E2F3: variants seen among roughly 807,000 people sequenced by gnomAD.
The protein encoded by E2F3 is transcription factor E2F3.
E2F3 carries 11 observed loss-of-function variants against 44.4 expected under a neutral mutation model. The observed-to-expected ratio is 0.25, with a 90% CI of 0.16 to 0.41. The LOEUF is 0.41. Ranked by LOEUF, E2F3 falls within the 10% of genes least tolerant of loss-of-function variation. The probability of loss-of-function intolerance (pLI) is 1.00; values close to 1 mark genes in which losing one functional copy is unlikely to be tolerated. For missense variants in E2F3, 487 were observed against 583.6 expected, an observed-to-expected ratio of 0.83 and a Z score of 1.70; for synonymous variants, 249 against 253.0, an observed-to-expected ratio of 0.98 and a Z score of 0.15.
chr6:20,466,241 T>G (rs1761707565), intron 1 of E2F3, among the ~76,000 whole-genome samples: 1 of 152,030 alleles, frequency 6.6e-6, no homozygotes, highest in Non-Finnish European at 1.5e-5. Context: ...GCCTCCTGAG[T>G]AGCTGGGACT....
In E2F3 at chr6:20,479,415, G is replaced by A. The variant is rs113000092; in HGVS notation, c.394-431G>A. On this transcript the variant is annotated intron_variant, in intron 1 of 6. Coordinates refer to ENST00000346618, the MANE Select transcript of E2F3 (RefSeq NM_001949.5). ...GTCATGATACAAATAAACACAGAGT[G>A]TTTGGGGAGCACAAGGAAGGGGGTC... 7.9e-3 allele frequency among the ~76,000 whole-genome samples: 1,196 copies of A among 152,324 alleles called. 15 individuals carry two copies. Among genetic ancestry groups the A allele is most frequent in the African/African-American group, 0.027 (1,118 of 41,568 alleles).
chr6:20,402,467 G>A lies in E2F3; in HGVS notation c.235G>A (p.Val79Ile), dbSNP rs769948520. The change falls in exon 1 of 7, where the codon GTA (valine) becomes ATA (isoleucine). Residue 79 changes from valine to isoleucine, a missense_variant. This residue lies in a region of E2F3 where 238 missense variants were observed against 236.0 expected (regional missense o/e 1.01). Coordinates refer to ENST00000346618, the MANE Select transcript of E2F3 (RefSeq NM_001949.5). This position sits in a 1 kb window ranked among gnomAD's most constrained non-coding sequence, Gnocchi z 5.6. The stretch of plus-strand genomic sequence containing the variant: ...TTCCTCCTCCCTCCAAAGCGGCGCC[G>A]TAGCCGCCGGCCCCCTCCTCCCCAG... ...SCSSSLQSGA[V>I]AAGPLLPSAP... 58 of 1,608,864 alleles carry A rather than the reference G, an allele frequency of 3.6e-5. No homozygotes were observed. Among genetic ancestry groups the A allele is most frequent in the Admixed American group, 3.5e-4 (21 of 59,864 alleles).
At chr6:20,404,603 A>C (rs1246562943) in intron 1 of E2F3, among the ~76,000 whole-genome samples, 1 of 152,212 alleles carries the variant, frequency 6.6e-6, no homozygotes, top group Non-Finnish European at 1.5e-5. Context: ...TTTGGGAATA[A>C]TGAGGCGTTT....
chr6:20,445,259 TGA>T, intron 1 of E2F3: 2 of 607,790 alleles, frequency 3.3e-6, no homozygotes, highest in African/African-American at 2.0e-5. Flanking sequence ...TTTTTTTTTT[TGA>T]GACAGTCTCA....
chr6:20,490,440 G>T lies in E2F3; in HGVS notation c.*10G>T. On this transcript the variant is annotated 3_prime_UTR_variant, in exon 7 of 7. Transcript: ENST00000346618. This position sits in a 1 kb window ranked among gnomAD's most constrained non-coding sequence, Gnocchi z 4.3. Reference sequence around the variant, plus strand: ...CTTCATGTGTAGTTGATTATGCTTCGTGTGAACTCTCCTTAAAAACCGATA... The same window carrying T: ...CTTCATGTGTAGTTGATTATGCTTCTTGTGAACTCTCCTTAAAAACCGATA... 4 of 1,542,908 alleles carry T rather than the reference G, an allele frequency of 2.6e-6. No individual in the cohort carries two copies. The highest frequency in any genetic ancestry group is 3.5e-6 in the Non-Finnish European group (4 of 1,145,306).
chr6:20,479,784 T>C (rs931093020), intron 1 of E2F3, 62 bp from the exon 2 acceptor site: 1 of 1,460,640 alleles, frequency 6.8e-7, no homozygotes, highest in African/African-American at 1.4e-5. Flanking sequence ...GCCCACAAAC[T>C]GCCTCCCTTC....
chr6:20,486,124 GTTCTGT>G (rs1762383618), intron 4 of E2F3, among the ~76,000 whole-genome samples: 1 of 152,110 alleles, frequency 6.6e-6, no homozygotes, highest in Non-Finnish European at 1.5e-5. Flanking sequence ...TATTTTAACT[GTTCTGT>G]TTCTATGTTT....
intron 6 of E2F3, among the ~76,000 whole-genome samples, chr6:20,488,657 TC>T (rs1038532167): frequency 2.0e-5 from 3 of 151,822 alleles, no homozygotes; most frequent in Non-Finnish European, 4.4e-5. Flanking sequence ...TGTCTTATTT[TC>T]CCCCCCAATG....
chr6:20,429,019 G>T lies in E2F3; in HGVS notation c.393+26394G>T, dbSNP rs376169161. On this transcript the variant is annotated intron_variant, in intron 1 of 6. Coordinates refer to ENST00000346618, the MANE Select transcript of E2F3 (RefSeq NM_001949.5). Reference sequence around the variant, plus strand: ...TTTGGCAATGTCTGGAGACATTTTTGATTTTCGTAACTGGGAGTGGGAGAT... The same window carrying T: ...TTTGGCAATGTCTGGAGACATTTTTTATTTTCGTAACTGGGAGTGGGAGAT... Among the ~76,000 whole-genome samples the T allele has an allele frequency of 2.0e-5, 3 of 152,236 alleles. No homozygotes were observed. The East Asian group carries it at 5.8e-4, about 29-fold the overall frequency.
intron 1 of E2F3, among the ~76,000 whole-genome samples, chr6:20,434,951 AC>A (rs1348059750): frequency 1.3e-5 from 2 of 152,316 alleles, no homozygotes; most frequent in East Asian, 3.9e-4. Context: ...AGCAGTGGAG[AC>A]AAGGGCACAG....
At chr6:20,436,653 G>T (rs997156958) in intron 1 of E2F3, among the ~76,000 whole-genome samples, 2 of 152,140 alleles carry the variant, frequency 1.3e-5, no homozygotes, top group African/African-American at 4.8e-5. Context: ...CACGTTAGCA[G>T]TCCTTTTCCC....
chr6:20,455,778 A>G (rs1222308045), intron 1 of E2F3, among the ~76,000 whole-genome samples: 1 of 152,168 alleles, frequency 6.6e-6, no homozygotes, highest in African/African-American at 2.4e-5. Flanking sequence ...CAGTGTGGTA[A>G]TAGGGTGGAG....
chr6:20,423,984 G>C (rs184230158), intron 1 of E2F3, among the ~76,000 whole-genome samples: 2 of 151,046 alleles, frequency 1.3e-5, no homozygotes, highest in African/African-American at 4.9e-5. Flanking sequence ...TGGTCAGGCT[G>C]GTCTCGAACT....
intron 1 of E2F3, among the ~76,000 whole-genome samples, chr6:20,440,437 T>A (rs1217592388): frequency 3.9e-5 from 6 of 152,188 alleles, no homozygotes; most frequent in Non-Finnish European, 8.8e-5. Context: ...TATTCATTGG[T>A]CCAAAGAAAG....
intron 1 of E2F3, among the ~76,000 whole-genome samples, chr6:20,431,653 G>A (rs1760404920): frequency 6.6e-6 from 1 of 152,052 alleles, no homozygotes; most frequent in Admixed American, 6.5e-5. Flanking sequence ...CCTGTTACCT[G>A]TAGCCATGAC....
At chr6:20,488,000 A>G in intron 5 of E2F3, 113 bp from the exon 6 acceptor site, 1 of 1,475,194 alleles carries the variant, frequency 6.8e-7, no homozygotes, top group Non-Finnish European at 9.3e-7. Flanking sequence ...TAGTAGGGAA[A>G]AAGCAAGTGA....
intron 5 of E2F3, among the ~76,000 whole-genome samples, chr6:20,487,878 C>G (rs1581662054): frequency 6.6e-6 from 1 of 152,200 alleles, no homozygotes; most frequent in African/African-American, 2.4e-5. Flanking sequence ...GGATGTGACT[C>G]TCTTCCAATA....
intron 3 of E2F3, 93 bp downstream of exon 3, chr6:20,481,518 C>A: frequency 9.0e-7 from 1 of 1,107,530 alleles, no homozygotes; most frequent in Non-Finnish European, 1.3e-6. Flanking sequence ...CACGCCCACA[C>A]GTTCTTTTCT....
intron 1 of E2F3, among the ~76,000 whole-genome samples, chr6:20,414,474 TA>T (rs905627371): frequency 0.011 from 1,645 of 146,640 alleles, 25 homozygotes; most frequent in African/African-American, 0.024. Context: ...TTTTTCTCAT[TA>T]AAAAAAAAAA....
Sources: allele counts gnomAD v4.1 joint callset (sites outside exome capture counted in the v4.1 genomes callset), GRCh38; gene constraint gnomAD v4.1.1; regional missense constraint gnomAD v4.1.1; non-coding constraint Gnocchi (gnomAD v3.1); transcripts MANE v1.5; gene names NCBI Gene and HGNC (gene_info 2026-07-23, HGNC 2026-07-21).